TMEM9: variants seen among roughly 807,000 people sequenced by gnomAD.
The protein encoded by TMEM9 is transmembrane protein 9.
In TMEM9, 13 loss-of-function variants were observed where a neutral mutation model predicts 22.8. That is an observed-to-expected ratio of 0.57 (90% CI 0.37 to 0.91). The LOEUF (loss-of-function observed/expected upper bound fraction) is 0.91. Ranked by LOEUF, TMEM9 falls within the 40% of genes least tolerant of loss-of-function variation. The pLI is 0.01. For synonymous variants in TMEM9, 88 were observed against 93.0 expected, an observed-to-expected ratio of 0.95 and a Z score of 0.31; for missense variants, 182 against 238.1, an observed-to-expected ratio of 0.76 and a Z score of 1.55.
intron 3 of TMEM9, among the ~76,000 whole-genome samples, chr1:201,145,851 A>G (rs960636143): frequency 6.6e-6 from 1 of 152,190 alleles, no homozygotes; most frequent in African/African-American, 2.4e-5. Flanking sequence ...GGTCCTAGCT[A>G]ATCAGGAGGC....
intron 1 of TMEM9, among the ~76,000 whole-genome samples, chr1:201,167,750 A>C (rs1404384557): frequency 6.6e-6 from 1 of 152,220 alleles, no homozygotes; most frequent in Non-Finnish European, 1.5e-5. Flanking sequence ...AATTAAGGGC[A>C]GCTTGAAGGC....
chr1:201,155,371 G>A (rs543296007), upstream of TMEM9, among the ~76,000 whole-genome samples: 153 of 152,296 alleles, frequency 1.0e-3, no homozygotes, highest in African/African-American at 3.5e-3. Context: ...CAAACTTGAG[G>A]TTGGTGGCTG....
intron 2 of TMEM9, among the ~76,000 whole-genome samples, chr1:201,150,764 C>G (rs960919494): frequency 6.6e-6 from 1 of 152,162 alleles, no homozygotes; most frequent in Non-Finnish European, 1.5e-5. Context: ...ACCCTCACTC[C>G]GTATTTGAAG....
chr1:201,140,698 T>TG (rs1295459088), intron 4 of TMEM9, among the ~76,000 whole-genome samples: 2 of 152,312 alleles, frequency 1.3e-5, no homozygotes, highest in African/African-American at 4.8e-5. Flanking sequence ...CCCAGACTTC[T>TG]GGGGCGTAGG....
At chr1:201,154,934 T>C (rs1445856448), upstream of TMEM9, among the ~76,000 whole-genome samples, 1 of 151,962 alleles carries the variant, frequency 6.6e-6, no homozygotes, top group Non-Finnish European at 1.5e-5. Flanking sequence ...GAAGGAGAAA[T>C]CTAGGGTTGG....
chr1:201,171,167 G>A (rs1464399702), intron 1 of TMEM9, among the ~76,000 whole-genome samples: 1 of 152,246 alleles, frequency 6.6e-6, no homozygotes, highest in African/African-American at 2.4e-5. Flanking sequence ...GAGCCTGGAA[G>A]GATTGCGGGG....
At chr1:201,159,816 G>GCA (rs1459680371) in intron 1 of TMEM9, among the ~76,000 whole-genome samples, 1 of 152,002 alleles carries the variant, frequency 6.6e-6, no homozygotes, top group African/African-American at 2.4e-5. Flanking sequence ...CTATATAAAT[G>GCA]CACACACAGA....
At chr1:201,146,579 TG>T (rs756115201) in intron 3 of TMEM9, 160 bp downstream of exon 3, 1 of 747,088 alleles carries the variant, frequency 1.3e-6, no homozygotes. Context: ...CAGGAAGGTG[TG>T]GGATGTGGGT....
intron 4 of TMEM9, among the ~76,000 whole-genome samples, chr1:201,142,139 C>T (rs935935806): frequency 3.9e-5 from 6 of 152,216 alleles, no homozygotes; most frequent in Non-Finnish European, 4.4e-5. Context: ...GCCCTAGCTC[C>T]AATGGGGCGA....
intron 1 of TMEM9, among the ~76,000 whole-genome samples, chr1:201,167,184 C>T (rs1413859908): frequency 6.6e-6 from 1 of 152,164 alleles, no homozygotes; most frequent in East Asian, 1.9e-4. Flanking sequence ...AAACAAAATT[C>T]CTGAAGACCG....
intron 1 of TMEM9, among the ~76,000 whole-genome samples, chr1:201,165,435 T>TTTTC (rs150724181): frequency 0.2 from 30,148 of 148,704 alleles, 3,131 homozygotes; most frequent in Non-Finnish European, 0.23. Flanking sequence ...TTAATTTTCT[T>TTTTC]TTTCTTTCTT....
chr1:201,151,862 A>C lies in TMEM9; in HGVS notation c.67-10T>G, dbSNP rs1199141860. ...GGATATCTTCAGAACTCTGGAAAAG[A>C]AAGCACATGTCAAGTATGCAGAGAC... On this transcript the variant is annotated splice_polypyrimidine_tract_variant and intron_variant, in intron 1 of 4. Coordinates refer to ENST00000367330, the MANE Select transcript of TMEM9 (RefSeq NM_001288565.2). 2.5e-6 allele frequency: 4 copies of C among 1,610,712 alleles called. No individual in the cohort carries two copies. Among genetic ancestry groups the C allele is most frequent in the South Asian group, 1.1e-5 (1 of 90,992 alleles).
chr1:201,144,244 C>T (rs1572110215), intron 3 of TMEM9: 3 of 299,898 alleles, frequency 1.0e-5, no homozygotes, highest in African/African-American at 6.4e-5. Context: ...GAGAGGCTCC[C>T]GGGGTAGAGA....
intron 4 of TMEM9, among the ~76,000 whole-genome samples, chr1:201,142,052 A>C (rs1341132302): frequency 6.6e-6 from 1 of 152,170 alleles, no homozygotes; most frequent in Non-Finnish European, 1.5e-5. Context: ...CTATTACTCT[A>C]CATTAATAAC....
intron 2 of TMEM9, among the ~76,000 whole-genome samples, chr1:201,147,633 GC>G (rs1318427049): frequency 2.0e-5 from 3 of 152,166 alleles, no homozygotes; most frequent in African/African-American, 7.2e-5. Flanking sequence ...TCCCACGGCA[GC>G]CAAGTGGTTT....
chr1:201,146,822 A>C lies in TMEM9; in HGVS notation c.185T>G (p.Met62Arg), dbSNP rs775379216. 1 of 1,614,234 alleles carries C rather than the reference A, an allele frequency of 6.2e-7. No individual in the cohort carries two copies. Among genetic ancestry groups the C allele is most frequent in the Admixed American group, 1.7e-5 (1 of 60,036 alleles). Reference protein sequence around the residue: ...DCNCLHVVEPMPVPGHDVEAY... With the variant: ...DCNCLHVVEPRPVPGHDVEAY... ...CTCCACGTCATGGCCAGGCACTGGC[A>C]TGGGCTCCACCACGTGCAGGCAGTT... Residue 62 changes from methionine (M) to arginine (R), a missense_variant, in exon 3 of 5, where the codon ATG (methionine) becomes AGG (arginine). Coordinates refer to ENST00000367330, the MANE Select transcript of TMEM9 (RefSeq NM_001288565.2).
intron 4 of TMEM9, among the ~76,000 whole-genome samples, chr1:201,141,813 G>A (rs750737099): frequency 7.9e-5 from 12 of 152,110 alleles, no homozygotes; most frequent in Non-Finnish European, 1.8e-4. Flanking sequence ...GGGTAAGAGA[G>A]ACCTGGGTTC....
At chr1:201,153,787 G>C in intron 1 of TMEM9, 71 bp downstream of exon 1, 1 of 1,603,916 alleles carries the variant, frequency 6.2e-7, no homozygotes, top group Non-Finnish European at 8.5e-7. Flanking sequence ...GGCTACCTCT[G>C]AGTCAGCCCT....
In TMEM9 at chr1:201,140,097, T is replaced by C. The variant is rs563844700; in HGVS notation, c.399+3723A>G. 8.7e-4 allele frequency among the ~76,000 whole-genome samples: 132 copies of C among 152,324 alleles called. 1 individual carries two copies. Among genetic ancestry groups the C allele is most frequent in the African/African-American group, 3.2e-3 (132 of 41,568 alleles). On this transcript the variant is annotated intron_variant, in intron 4 of 4. Transcript: ENST00000367330. ...ATGTGCAGACAGGAGGGGAGACTGCTCCTCAGTGGCCCGAGTCTTCTCCCC... is the reference window on the plus strand; with the variant it reads ...ATGTGCAGACAGGAGGGGAGACTGCCCCTCAGTGGCCCGAGTCTTCTCCCC...
Sources: allele counts gnomAD v4.1 joint callset (sites outside exome capture counted in the v4.1 genomes callset), GRCh38; gene constraint gnomAD v4.1.1; transcripts MANE v1.5; gene names NCBI Gene and HGNC (gene_info 2026-07-23, HGNC 2026-07-21).